Variants in C1orf116 observed in about 807,000 individuals in gnomAD.
C1orf116 encodes the protein chromosome 1 open reading frame 116, also known as specifically androgen-regulated gene protein.
A neutral mutation model predicts 14.1 loss-of-function variants in C1orf116; 12 were observed. That is an observed-to-expected ratio of 0.85 (90% confidence interval 0.54 to 1.38). The LOEUF is 1.38. C1orf116 is among the 40% of genes most tolerant of loss of function. The pLI, the probability that C1orf116 is intolerant of heterozygous loss-of-function variation, is 0.00. For synonymous variants in C1orf116, 296 were observed against 299.0 expected (o/e 0.99, Z 0.10); for missense variants, 797 against 747.0 (o/e 1.07, Z -0.78).
Position 207,024,873 on chromosome 1 carries a change from A to G in C1orf116, c.283+14T>C. 2 of 1,603,328 alleles carry G rather than the reference A, an allele frequency of 1.2e-6. No homozygotes were observed. The highest frequency in any genetic ancestry group is 2.2e-5 in the South Asian group (2 of 90,886). ...GGGTTTTGCTGGGGTTCCACCCCAG[A>G]GGGTCTGCCTTACCCCGGGGAGTGG... On this transcript the variant is annotated intron_variant, in intron 3 of 3. Transcript: ENST00000359470.
chr1:207,022,168 G>A lies in C1orf116; in HGVS notation c.1596C>T (p.Ser532=). The A allele has an allele frequency of 6.2e-7, 1 of 1,613,674 alleles. No individual in the cohort carries two copies. The highest frequency in any genetic ancestry group is 1.1e-5 in the South Asian group (1 of 91,074). Reference sequence around the variant, plus strand: ...CTGCAAAATCTTTCCCCGTGCCCAGGGAGGCCGGGCGGGGCCGAGAATTAC... The same window carrying A: ...CTGCAAAATCTTTCCCCGTGCCCAGAGAGGCCGGGCGGGGCCGAGAATTAC... ...VLRNSRPRPA[S]LGTGKDFAGI... is the part of the protein sequence containing the mutation. Residue 532 remains serine (S), a synonymous_variant, in exon 4 of 4, where the codon TCC becomes TCT. Transcript: ENST00000359470.
intron 1 of C1orf116, 73 bp downstream of exon 1, chr1:207,032,506 G>A: frequency 4.2e-6 from 4 of 946,628 alleles, no homozygotes; most frequent in Non-Finnish European, 3.8e-6. Flanking sequence ...CCCCTCCCCT[G>A]TAGCTCTGAT....
At chr1:207,032,233 G>A (rs949853088) in intron 1 of C1orf116, among the ~76,000 whole-genome samples, 3 of 152,296 alleles carry the variant, frequency 2.0e-5, no homozygotes, top group African/African-American at 4.8e-5. Flanking sequence ...TATTTCAACT[G>A]TTCTTTTCTA....
chr1:207,022,517 GGA>G lies in C1orf116; in HGVS notation c.1245_1246del (p.Pro416SerfsTer22). 1 of 1,614,194 alleles carries G rather than the reference GGA, an allele frequency of 6.2e-7. No individual in the cohort carries two copies. Among genetic ancestry groups the G allele is most frequent in the South Asian group, 1.1e-5 (1 of 91,084 alleles). On this transcript the variant is annotated frameshift_variant, in exon 4 of 4. Coordinates refer to ENST00000359470, the MANE Select transcript of C1orf116 (RefSeq NM_023938.6). LOFTEE classifies it low-confidence loss of function (END_TRUNC). ...AGGTCCCTGAGCTGGACCTGGAGCT[GGA>G]GCCGGAGCTTGAGCCAGAGCCTTCC...
At position 207,022,938 on chromosome 1, in the gene C1orf116, C is replaced by T; in HGVS notation, c.826G>A (p.Glu276Lys). The T allele has an allele frequency of 1.9e-6, 3 of 1,614,118 alleles. No individual in the cohort carries two copies. The highest frequency in any genetic ancestry group is 2.5e-6 in the Non-Finnish European group (3 of 1,180,002). Residue 276 changes from glutamate (E) to lysine (K), a missense_variant, in exon 4 of 4, where the codon GAA (glutamate) becomes AAA (lysine). Transcript: ENST00000359470. Reference protein sequence around the residue: ...PAGLPQNARAEDAPLSSGEDP... With the variant: ...PAGLPQNARAKDAPLSSGEDP... The stretch of plus-strand genomic sequence containing the variant: ...TCCCCTGATGAGAGGGGAGCATCTT[C>T]AGCTCTTGCATTCTGAGGCAACCCT...
intron 2 of C1orf116, among the ~76,000 whole-genome samples, chr1:207,026,777 C>T (rs945489499): frequency 1.3e-5 from 2 of 152,204 alleles, no homozygotes; most frequent in Non-Finnish European, 2.9e-5. Context: ...ACCAGCCTCA[C>T]AACAACTGAG....
At position 207,018,598 on chromosome 1, in the gene C1orf116, C is replaced by T. The variant is rs1171641595; in HGVS notation, c.*3360G>A. 1 of 152,192 alleles carries T rather than the reference C, an allele frequency of 6.6e-6. No individual in the cohort carries two copies. Among genetic ancestry groups the T allele is most frequent in the Non-Finnish European group, 1.5e-5 (1 of 68,040 alleles). The allele number at this position is 152,192 out of a possible 1,614,324, so 9.4% of individuals were successfully genotyped here. ...CATGTTTTATATCACTTATTTATCT[C>T]AACAATCTTGAAAGGGTGGTATTAT... is the stretch of plus-strand genomic sequence containing the variant. On this transcript the variant is annotated 3_prime_UTR_variant, in exon 4 of 4. Coordinates refer to ENST00000359470, the MANE Select transcript of C1orf116 (RefSeq NM_023938.6).
chr1:207,027,349 A>T, intron 2 of C1orf116, 145 bp downstream of exon 2: 1 of 1,030,598 alleles, frequency 9.7e-7, no homozygotes, highest in Non-Finnish European at 1.4e-6. Flanking sequence ...GGCAGAAAGC[A>T]CCCACTGGTG....
At chr1:207,023,859 T>C (rs1185281602) in intron 3 of C1orf116, among the ~76,000 whole-genome samples, 1 of 152,210 alleles carries the variant, frequency 6.6e-6, no homozygotes, top group African/African-American at 2.4e-5. Flanking sequence ...TAATTTTTCA[T>C]GATGGGCGGC....
chr1:207,027,527 G>C lies in C1orf116; in HGVS notation c.72C>G (p.Ser24Arg). The stretch of plus-strand genomic sequence containing the variant: ...AGCGGGTGGAGGTGCTGCTCATCAT[G>C]CTGTCACAGCTGCCGACACGGGTCA... ...EPVTRVGSCD[S>R]MMSSTSTRSG... Residue 24 changes from serine (S) to arginine (R), a missense_variant, in exon 2 of 4, where the codon AGC becomes AGG. Coordinates refer to ENST00000359470, the MANE Select transcript of C1orf116 (RefSeq NM_023938.6). The C allele has an allele frequency of 6.2e-7, 1 of 1,613,822 alleles. No individual in the cohort carries two copies. Among genetic ancestry groups the C allele is most frequent in the Non-Finnish European group, 8.5e-7 (1 of 1,180,024 alleles).
chr1:207,022,007 T>A lies in C1orf116; in HGVS notation c.1757A>T (p.Asn586Ile), dbSNP rs34933739. The change falls in exon 4 of 4, where the codon AAT (asparagine) becomes ATT (isoleucine). Residue 586 changes from asparagine (N) to isoleucine (I), a missense_variant. Coordinates refer to ENST00000359470, the MANE Select transcript of C1orf116 (RefSeq NM_023938.6). ...CTTCAGGGCCTCCCTTCTGTGTTCA[T>A]TGGGGACACCCTTTGGGGAGATCTT... ...SVKISPKGVP[N>I]EHRREALKKL... The A allele has an allele frequency of 1.3e-6, 2 of 1,559,506 alleles. No homozygotes were observed. Among genetic ancestry groups the A allele is most frequent in the African/African-American group, 1.4e-5 (1 of 72,900 alleles).
chr1:207,024,021 G>T (rs1293340356), intron 3 of C1orf116, among the ~76,000 whole-genome samples: 1 of 152,206 alleles, frequency 6.6e-6, no homozygotes, highest in Non-Finnish European at 1.5e-5. Context: ...CTCTGAATAA[G>T]TGATTTGCTC....
Position 207,022,230 on chromosome 1 carries a change from C to A in C1orf116, c.1534G>T (p.Gly512Cys), listed in dbSNP as rs757897878. The change falls in exon 4 of 4, where the codon GGC (glycine) becomes TGC (cysteine). Residue 512 changes from glycine (G) to cysteine (C), a missense_variant. Coordinates refer to ENST00000359470, the MANE Select transcript of C1orf116 (RefSeq NM_023938.6). ...GGCGAGATCTTGTCCAAGAAGGAGC[C>A]CTTTCCCAGAGAAGTGCTGGTTTTG... The part of the protein sequence containing the change: ...SPKTSTSLGK[G>C]SFLDKISPSV... 24 of 1,613,904 alleles carry A rather than the reference C, an allele frequency of 1.5e-5. No individual in the cohort carries two copies. The South Asian group carries it at 2.5e-4, about 17-fold the overall frequency.
At position 207,022,999 on chromosome 1, in the gene C1orf116, G is replaced by A. The variant is rs371523390; in HGVS notation, c.765C>T (p.Val255=). The A allele has an allele frequency of 3.7e-6, 6 of 1,614,050 alleles. No homozygotes were observed. Among genetic ancestry groups the A allele is most frequent in the Non-Finnish European group, 5.1e-6 (6 of 1,180,022 alleles). Residue 255 remains valine, a synonymous_variant, in exon 4 of 4, where the codon GTC becomes GTT. Coordinates refer to ENST00000359470, the MANE Select transcript of C1orf116 (RefSeq NM_023938.6). ...GCTGGGGTTGTGTGTACCTGGTTGA[G>A]ACTGTTTCCTTGGCTTTTTGGGACA... The part of the protein sequence containing the change: ...EAMSQKAKET[V]STRYTQPQPP...
At chr1:207,031,563 G>A (rs1011158451) in intron 1 of C1orf116, among the ~76,000 whole-genome samples, 30 of 152,292 alleles carry the variant, frequency 2.0e-4, no homozygotes, top group African/African-American at 6.5e-4. Context: ...CTCTGCAGCA[G>A]GAGGAAAAGA....
At chr1:207,025,190 A>G in intron 2 of C1orf116, 126 bp from the exon 3 acceptor site, 1 of 688,342 alleles carries the variant, frequency 1.5e-6, no homozygotes, top group Non-Finnish European at 2.5e-6. Flanking sequence ...CCTGAGAACC[A>G]CCCTGCAGAG....
chr1:207,025,192 C>A (rs1239978924), intron 2 of C1orf116, 128 bp from the exon 3 acceptor site: 1 of 678,000 alleles, frequency 1.5e-6, no homozygotes, highest in Non-Finnish European at 2.5e-6. Context: ...TGAGAACCAC[C>A]CTGCAGAGAG....
At position 207,022,857 on chromosome 1, in the gene C1orf116, G is replaced by A; in HGVS notation, c.907C>T (p.Pro303Ser). 6.2e-7 allele frequency: 1 copy of A among 1,614,110 alleles called. No homozygotes were observed. Among genetic ancestry groups the A allele is most frequent in the Non-Finnish European group, 8.5e-7 (1 of 1,180,000 alleles). Residue 303 changes from proline to serine, a missense_variant, in exon 4 of 4, where the codon CCT (proline) becomes TCT (serine). Coordinates refer to ENST00000359470, the MANE Select transcript of C1orf116 (RefSeq NM_023938.6). The stretch of plus-strand genomic sequence containing the variant: ...CGGCTGCTCTTCAGAACAATATTAG[G>A]TGGCAGCTTCCGGGGCTTAGGGGTT... ...LTTPKPRKLP[P>S]NIVLKSSRSS... is the part of the protein sequence containing the mutation.
chr1:207,027,924 T>C (rs1241938989), intron 1 of C1orf116, among the ~76,000 whole-genome samples: 1 of 152,220 alleles, frequency 6.6e-6, no homozygotes, highest in Non-Finnish European at 1.5e-5. Context: ...ACTACTTCTC[T>C]TACATTTTTC....
Sources: gnomAD v4.1 joint callset for allele counts (sites outside exome capture counted in the v4.1 genomes callset) on GRCh38, gnomAD v4.1.1 for gene constraint, MANE v1.5 for transcripts, NCBI Gene and HGNC (gene_info 2026-07-23, HGNC 2026-07-21) for gene names.